Variants in TRIO observed in about 807,000 individuals in gnomAD.
TRIO encodes the protein triple functional domain protein.
Under a neutral mutation model 351.9 loss-of-function variants are expected in TRIO, and 58 were observed. The ratio of observed to expected loss-of-function variants is 0.16; its 90% CI spans 0.13 to 0.21. The LOEUF (loss-of-function observed/expected upper bound fraction) is 0.21. Ranked by LOEUF, TRIO falls within the 10% of genes least tolerant of loss-of-function variation. The pLI, the probability that TRIO is intolerant of heterozygous loss-of-function variation, is 1.00. For synonymous variants in TRIO, 1,758 were observed against 1,595.7 expected (o/e 1.10, Z -2.42); for missense variants, 3,201 against 4,027.8 (o/e 0.79, Z 5.56).
chr5:14,157,703 GTC>G (rs1275497300), intron 1 of TRIO, among the ~76,000 whole-genome samples: 1 of 152,116 alleles, frequency 6.6e-6, no homozygotes, highest in Admixed American at 6.6e-5. Context: ...TCCTGCCTCA[GTC>G]TCCTAAGTAG....
chr5:14,504,319 T>A, intron 54 of TRIO, 74 bp from the exon 55 acceptor site: 1 of 1,530,034 alleles, frequency 6.5e-7, no homozygotes, highest in South Asian at 1.2e-5. Context: ...GCCAGTCCAT[T>A]TAGGATAACA....
chr5:14,452,394 A>T (rs989215653), intron 34 of TRIO, among the ~76,000 whole-genome samples: 4 of 152,224 alleles, frequency 2.6e-5, no homozygotes, highest in African/African-American at 9.6e-5. Context: ...GCAGCCTGGT[A>T]AAGGCTAGAG....
At chr5:14,307,804 C>G (rs1279334614) in intron 8 of TRIO, among the ~76,000 whole-genome samples, 1 of 152,214 alleles carries the variant, frequency 6.6e-6, no homozygotes, top group Admixed American at 6.5e-5. Flanking sequence ...TGATGATCAC[C>G]TATTTCCATT....
At chr5:14,252,009 C>T (rs959256567) in intron 1 of TRIO, among the ~76,000 whole-genome samples, 3 of 150,128 alleles carry the variant, frequency 2.0e-5, no homozygotes, top group African/African-American at 7.3e-5. Context: ...TGTGGTACCT[C>T]CTTAACCAGA....
intron 11 of TRIO, among the ~76,000 whole-genome samples, chr5:14,342,842 C>G (rs548083590): frequency 1.3e-5 from 2 of 152,148 alleles, no homozygotes; most frequent in African/African-American, 4.8e-5. Context: ...GTTGAAAATG[C>G]ACTAATACTA....
At position 14,507,140 on chromosome 5, in the gene TRIO, C is replaced by G. The variant is rs1282852081; in HGVS notation, c.8631C>G (p.Leu2877=). The G allele has an allele frequency of 1.2e-6, 2 of 1,607,670 alleles. No individual in the cohort carries two copies. The highest frequency in any genetic ancestry group is 1.1e-5 in the South Asian group (1 of 90,050). ...LVLEMADQGR[L]LDCVVRWGSL... ...TCTTTAGGGCTGACCAGGGTCGCCT[C>G]CTGGACTGCGTGGTGCGATGGGGAA... is the stretch of plus-strand genomic sequence containing the variant. Residue 2877 remains leucine (L), a synonymous_variant, in exon 56 of 57, where the codon CTC becomes CTG. Transcript: ENST00000344204.
At chr5:14,232,766 G>A (rs1793525993) in intron 1 of TRIO, among the ~76,000 whole-genome samples, 1 of 152,148 alleles carries the variant, frequency 6.6e-6, no homozygotes. Context: ...TAATATATGT[G>A]TTTACTTAAT....
intron 24 of TRIO, 74 bp downstream of exon 24, chr5:14,388,753 T>C: frequency 1.2e-5 from 18 of 1,488,582 alleles, no homozygotes; most frequent in Non-Finnish European, 1.6e-5. Flanking sequence ...TATTCTTACC[T>C]GTTGGTAGTC....
At chr5:14,383,454 T>C (rs900237284) in intron 21 of TRIO, among the ~76,000 whole-genome samples, 3 of 152,242 alleles carry the variant, frequency 2.0e-5, no homozygotes, top group East Asian at 1.9e-4. Context: ...GCTCCACTAA[T>C]AAAGTGTATA....
Position 14,492,691 on chromosome 5 carries a change from A to T in TRIO, c.7757A>T (p.Gln2586Leu). The T allele has an allele frequency of 1.2e-6, 2 of 1,614,184 alleles. No individual in the cohort carries two copies. Among genetic ancestry groups the T allele is most frequent in the Non-Finnish European group, 1.7e-6 (2 of 1,180,026 alleles). The change falls in exon 49 of 57, where the codon CAG becomes CTG. Residue 2586 changes from glutamine (Q) to leucine (L), a missense_variant. By Grantham distance (113) the Gln-to-Leu change is moderately radical (BLOSUM62 -2). Coordinates refer to ENST00000344204, the MANE Select transcript of TRIO (RefSeq NM_007118.4). ...EVVQILASNQ[Q>L]NMFLVFRAAT... The stretch of plus-strand genomic sequence containing the variant: ...GTTCAAATTCTGGCCAGCAACCAGC[A>T]GAACATGTTTCTGGTGTTCCGAGCC...
chr5:14,362,719 G>T (rs1382482064), intron 13 of TRIO, among the ~76,000 whole-genome samples: 1 of 152,156 alleles, frequency 6.6e-6, no homozygotes, highest in Admixed American at 6.5e-5. Context: ...CCATGCGAAG[G>T]CTGGGCCTGT....
At chr5:14,482,126 G>C (rs1016795850) in intron 45 of TRIO, among the ~76,000 whole-genome samples, 5 of 152,154 alleles carry the variant, frequency 3.3e-5, no homozygotes, top group Non-Finnish European at 7.3e-5. Flanking sequence ...CGGAGTTAAG[G>C]AGGCAGGAGA....
In TRIO at chr5:14,486,243, C is replaced by T. The variant is rs139544795; in HGVS notation, c.6835+997C>T. On this transcript the variant is annotated intron_variant, in intron 47 of 56. Coordinates refer to ENST00000344204, the MANE Select transcript of TRIO (RefSeq NM_007118.4). ...GTTCTTTGCTTCATGTTCGTATTCA[C>T]GGTCTGCATCTATGCCTGCTCAAGC... Among the ~76,000 whole-genome samples, 691 of 152,314 alleles carry T rather than the reference C, an allele frequency of 4.5e-3. 3 individuals are homozygous for T. The highest frequency in any genetic ancestry group is 8.7e-3 in the South Asian group (42 of 4,822).
intron 12 of TRIO, 140 bp from the exon 13 acceptor site, chr5:14,359,217 A>G (rs1180853533): frequency 2.1e-6 from 2 of 958,270 alleles, no homozygotes; most frequent in Non-Finnish European, 3.1e-6. Context: ...TTTGCAGGAG[A>G]GCAGCCCGTT....
At chr5:14,152,475 G>T (rs1787897532) in intron 1 of TRIO, among the ~76,000 whole-genome samples, 2 of 152,154 alleles carry the variant, frequency 1.3e-5, no homozygotes, top group Admixed American at 1.3e-4. Context: ...GGTTCAAGCA[G>T]TTCTCTGCCT....
chr5:14,406,736 C>G, intron 33 of TRIO, 64 bp downstream of exon 33: 2 of 1,504,306 alleles, frequency 1.3e-6, no homozygotes, highest in Admixed American at 1.7e-5. Flanking sequence ...CAAAGCAGCC[C>G]CCTCCTTTCT....
intron 34 of TRIO, chr5:14,440,965 C>T (rs1411221399): frequency 6.6e-6 from 1 of 152,124 alleles, no homozygotes; most frequent in Non-Finnish European, 1.5e-5. Flanking sequence ...TGAAATCCAC[C>T]GCGTCTGGGT....
intron 34 of TRIO, among the ~76,000 whole-genome samples, chr5:14,430,092 T>A (rs1750965348): frequency 6.6e-6 from 1 of 152,010 alleles, no homozygotes; most frequent in Non-Finnish European, 1.5e-5. Context: ...CAGGTGTGTC[T>A]GGAAGATAGA....
intron 46 of TRIO, 119 bp from the exon 47 acceptor site, chr5:14,484,950 A>T: frequency 9.4e-7 from 1 of 1,064,896 alleles, no homozygotes. Flanking sequence ...TTCCTCATTA[A>T]GGCTGAAAAA....
Sources: allele counts gnomAD v4.1 joint callset (sites outside exome capture counted in the v4.1 genomes callset), GRCh38; gene constraint gnomAD v4.1.1; transcripts MANE v1.5; gene names NCBI Gene and HGNC (gene_info 2026-07-23, HGNC 2026-07-21).